ZNF846: variants seen among roughly 807,000 people sequenced by gnomAD.
ZNF846 encodes the protein zinc finger protein 420 pseudogene.
ZNF846 carries 15 observed loss-of-function variants against 16.0 expected under a neutral mutation model. The ratio of observed to expected loss-of-function variants is 0.94; its 90% CI spans 0.63 to 1.45. ZNF846 has a LOEUF of 1.45. Among genes scored for constraint, ZNF846 ranks in the 40% most tolerant of loss-of-function variants. ZNF846 has a pLI of 0.00. For missense variants in ZNF846, 714 were observed against 622.3 expected (o/e 1.15, Z -1.57); for synonymous variants, 229 against 212.0 (o/e 1.08, Z -0.70).
upstream of ZNF846, among the ~76,000 whole-genome samples, chr19:9,769,579 G>GTTGAAGAA (rs1367870886): frequency 2.0e-5 from 3 of 151,922 alleles, no homozygotes; most frequent in Non-Finnish European, 4.4e-5. Flanking sequence ...CCTCTGCAGG[G>GTTGAAGAA]ATATAAACAT....
At chr19:9,783,544 A>AATATATATAT (rs1555714919) in intron 1 of ZNF846, among the ~76,000 whole-genome samples, 42 of 108,784 alleles carry the variant, frequency 3.9e-4, no homozygotes, top group Admixed American at 5.2e-4. Flanking sequence ...AAAAAAAAAA[A>AATATATATAT]ATATATATAT....
At chr19:9,758,524 G>A (rs1188621043) in exon 6 of ZNF846, 1 of 1,613,314 alleles carries the variant, frequency 6.2e-7, no homozygotes, top group East Asian at 2.2e-5. Context: ...TGCCTAGTAA[G>A]ATTTGGAAAC....
At chr19:9,752,756 T>G (rs1221149131), downstream of ZNF846, among the ~76,000 whole-genome samples, 5 of 152,146 alleles carry the variant, frequency 3.3e-5, no homozygotes, top group Admixed American at 2.6e-4. Context: ...TTTACATCCT[T>G]TCCAGCACTT....
exon 4 of ZNF846, chr19:9,762,095 T>G: frequency 3.7e-6 from 6 of 1,613,910 alleles, no homozygotes; most frequent in Non-Finnish European, 5.1e-6. Flanking sequence ...GCAGAACTCC[T>G]GTCACTCCTG....
intron 2 of ZNF846, 138 bp from the exon 3 acceptor site, chr19:9,763,546 T>C (rs2045265647): frequency 1.5e-6 from 1 of 675,136 alleles, no homozygotes; most frequent in Non-Finnish European, 2.3e-6. Flanking sequence ...TATATAGATA[T>C]TGTCTTGCAA....
chr19:9,761,773 G>A (rs921515618), intron 4 of ZNF846, among the ~76,000 whole-genome samples: 1 of 151,966 alleles, frequency 6.6e-6, no homozygotes, highest in African/African-American at 2.4e-5. Context: ...ACTGAGGCTG[G>A]TAGTAAGCAA....
intron 1 of ZNF846, among the ~76,000 whole-genome samples, chr19:9,784,786 C>T (rs1186241971): frequency 6.6e-6 from 1 of 152,084 alleles, no homozygotes; most frequent in African/African-American, 2.4e-5. Flanking sequence ...TGGAGCATGG[C>T]GATGCCTTTT....
downstream of ZNF846, among the ~76,000 whole-genome samples, chr19:9,750,958 G>T (rs2045078968): frequency 1.3e-5 from 2 of 152,168 alleles, no homozygotes; most frequent in Middle Eastern, 3.4e-3. Flanking sequence ...AATCAGTCTG[G>T]CCTGGTATAT....
chr19:9,768,960 AGCGCCAAGGGCCG>A (rs2045363973), upstream of ZNF846, among the ~76,000 whole-genome samples: 1 of 152,046 alleles, frequency 6.6e-6, no homozygotes, highest in African/African-American at 2.4e-5. Context: ...CAGGAAACCC[AGCGCCAAGGGCCG>A]GGTTGGAGGC....
At chr19:9,755,179 C>A (rs115214177), downstream of ZNF846, among the ~76,000 whole-genome samples, 2 of 151,486 alleles carry the variant, frequency 1.3e-5, no homozygotes, top group Admixed American at 6.6e-5. Context: ...ATATAACATC[C>A]TAACATCCAC....
chr19:9,774,022 T>TTTAGA, intron 1 of ZNF846, among the ~76,000 whole-genome samples: 1 of 152,262 alleles, frequency 6.6e-6, no homozygotes, highest in East Asian at 1.9e-4. Flanking sequence ...TTTAGACTTA[T>TTTAGA]CAAAAAATGT....
downstream of ZNF846, among the ~76,000 whole-genome samples, chr19:9,750,673 A>G (rs1045445897): frequency 2.6e-5 from 4 of 152,140 alleles, no homozygotes; most frequent in African/African-American, 9.7e-5. Context: ...TCATCCCATT[A>G]ATCCCTTTAC....
At chr19:9,756,345 G>GTGTGTGTGTATATATATA (rs1321690890), downstream of ZNF846, 2 of 81,772 alleles carry the variant, frequency 2.4e-5, no homozygotes, top group African/African-American at 1.2e-4. Context: ...GTGTGTGTGT[G>GTGTGTGTGTATATATATA]TATATATATA....
chr19:9,762,882 C>T (rs576914833), intron 3 of ZNF846, among the ~76,000 whole-genome samples: 33 of 152,266 alleles, frequency 2.2e-4, no homozygotes, highest in African/African-American at 6.5e-4. Flanking sequence ...TGGTGGCTCA[C>T]GCCTGTAATC....
Position 9,760,250 on chromosome 19 carries a change from C to T in ZNF846, c.230-308G>A, listed in dbSNP as rs548742805. Among the ~76,000 whole-genome samples the T allele has an allele frequency of 8.6e-5, 13 of 150,856 alleles. 1 individual carries two copies. The East Asian group carries it at 1.4e-3, about 16-fold the overall frequency. ...GGAGGTTGCGGTGAGGTGAGATCCA[C>T]CACTGCACTCCAGCCTGGGCTACAG... On this transcript the variant is annotated intron_variant, in intron 4 of 5. Coordinates refer to ENST00000397902, the Ensembl canonical transcript of ZNF846.
chr19:9,749,860 G>A (rs553985130), downstream of ZNF846, among the ~76,000 whole-genome samples: 2 of 152,150 alleles, frequency 1.3e-5, no homozygotes, highest in East Asian at 3.9e-4. Context: ...CAGATTTGGT[G>A]AGAACTCCCC....
intron 3 of ZNF846, 142 bp from the exon 4 acceptor site, chr19:9,762,310 T>C (rs1638642132): frequency 4.6e-6 from 3 of 650,896 alleles, no homozygotes; most frequent in Middle Eastern, 5.2e-4. Flanking sequence ...TCATATAACA[T>C]TTCCAATACA....
At chr19:9,776,219 T>C (rs746926004) in intron 1 of ZNF846, among the ~76,000 whole-genome samples, 28 of 152,232 alleles carry the variant, frequency 1.8e-4, no homozygotes, top group Non-Finnish European at 3.4e-4. Context: ...GGGGGGTTTA[T>C]AGAAGACTCT....
At chr19:9,769,103 G>T (rs535316646), upstream of ZNF846, among the ~76,000 whole-genome samples, 28 of 152,236 alleles carry the variant, frequency 1.8e-4, no homozygotes, top group African/African-American at 6.7e-4. Flanking sequence ...TTAGTTTTTT[G>T]AGATAAGGCT....
Sources: gnomAD v4.1 joint callset for allele counts (sites outside exome capture counted in the v4.1 genomes callset) on GRCh38, gnomAD v4.1.1 for gene constraint, MANE v1.5 for transcripts, NCBI Gene and HGNC (gene_info 2026-07-23, HGNC 2026-07-21) for gene names.